The following PPIF variants were observed in gnomAD, a reference collection of about 807,000 sequenced individuals.
The protein encoded by PPIF is peptidylprolyl isomerase F, also known as peptidyl-prolyl cis-trans isomerase F, mitochondrial.
A neutral mutation model predicts 20.2 loss-of-function variants in PPIF; 23 were observed. The ratio of observed to expected loss-of-function variants is 1.14; its 90% CI spans 0.82 to 1.61. PPIF has a LOEUF of 1.61. Ranked by LOEUF, PPIF falls within the 40% of genes most tolerant of loss-of-function variation. PPIF has a pLI of 0.00. For synonymous variants in PPIF, 113 were observed against 123.1 expected (o/e 0.92, Z 0.54); for missense variants, 287 against 291.6 (o/e 0.98, Z 0.11).
chr10:79,347,630 C>A lies in PPIF; in HGVS notation c.82C>A (p.Arg28Ser). ...RSVPLRLPAA[R>S]ACSKGSGDPS... ...CGTGCCGCTGCGCCTCCCCGCGGCC[C>A]GCGCCTGCAGCAAGGGCTCCGGCGA... The change falls in exon 1 of 6, where the codon CGC (arginine) becomes AGC (serine). Residue 28 changes from arginine (R) to serine (S), a missense_variant. Coordinates refer to ENST00000225174, the MANE Select transcript of PPIF (RefSeq NM_005729.4). 1 of 1,450,804 alleles carries A rather than the reference C, an allele frequency of 6.9e-7. No individual in the cohort carries two copies. Among genetic ancestry groups the A allele is most frequent in the Admixed American group, 2.6e-5 (1 of 39,204 alleles). 89.9% of individuals were successfully genotyped at this position (1,450,804 alleles called of 1,614,324 possible).
At chr10:79,351,411 A>T in intron 3 of PPIF, 76 bp from the exon 4 acceptor site, 1 of 1,449,806 alleles carries the variant, frequency 6.9e-7, no homozygotes. Flanking sequence ...GGGTGGGCTG[A>T]GGCTGCTGCC....
At chr10:79,351,678 C>G in intron 4 of PPIF, 95 bp downstream of exon 4, 1 of 1,129,066 alleles carries the variant, frequency 8.9e-7, no homozygotes, top group Non-Finnish European at 1.3e-6. Context: ...CAGTCACCGT[C>G]CAGTATCTGA....
At position 79,347,531 on chromosome 10, in the gene PPIF, G is replaced by T. The variant is rs934891375; in HGVS notation, c.-18G>T. 6.2e-6 allele frequency: 8 copies of T among 1,296,688 alleles called. No homozygotes were observed. In the African/African-American group the frequency reaches 1.1e-4, roughly 18 times the overall value. The allele number at this position is 1,296,688 out of a possible 1,614,324, so 80.3% of individuals were successfully genotyped here. ...TCTGTGTTCTCCCCGCCCGTGTCCC[G>T]CCCGACCCGCGCCCGCGATGCTGGC... On this transcript the variant is annotated 5_prime_UTR_variant, in exon 1 of 6. Coordinates refer to ENST00000225174, the MANE Select transcript of PPIF (RefSeq NM_005729.4).
In PPIF at chr10:79,347,592, C is replaced by G; in HGVS notation, c.44C>G (p.Ser15Cys). The change falls in exon 1 of 6, where the codon TCC becomes TGC. Residue 15 changes from serine to cysteine, a missense_variant. Transcript: ENST00000225174. ...RCGSRWLGLL[S>C]VPRSVPLRLP... ...GGCTCCCGCTGGCTCGGCCTGCTCT[C>G]CGTCCCGCGCTCCGTGCCGCTGCGC... The G allele has an allele frequency of 7.1e-7, 1 of 1,414,756 alleles. No individual in the cohort carries two copies. The highest frequency in any genetic ancestry group is 9.3e-7 in the Non-Finnish European group (1 of 1,081,072). The allele number at this position is 1,414,756 out of a possible 1,614,324, so 87.6% of individuals were successfully genotyped here.
At chr10:79,351,624 C>G in intron 4 of PPIF, 41 bp downstream of exon 4, 1 of 1,581,454 alleles carries the variant, frequency 6.3e-7, no homozygotes. Context: ...CCCCACAGCT[C>G]TGACCTGGCC....
At chr10:79,349,778 G>T (rs773893673) in intron 3 of PPIF, 25 bp downstream of exon 3, 3 of 1,613,510 alleles carry the variant, frequency 1.9e-6, no homozygotes, top group Admixed American at 3.3e-5. Context: ...TCTTCTGTAA[G>T]GGGGGATGAG....
rs540113003 is a variant in PPIF, at chr10:79,347,523, C to G, written c.-26C>G. The G allele has an allele frequency of 1.5e-6, 2 of 1,292,934 alleles. No homozygotes were observed. Among genetic ancestry groups the G allele is most frequent in the South Asian group, 2.5e-5 (1 of 40,354 alleles). The allele number at this position is 1,292,934 out of a possible 1,614,324, so 80.1% of individuals were successfully genotyped here. A position where few individuals can be genotyped will look rare whatever the true frequency, so the allele number is the denominator to read the frequency against. ...GTTTGAGTTCTGTGTTCTCCCCGCCCGTGTCCCGCCCGACCCGCGCCCGCG... is the reference window on the plus strand; with the variant it reads ...GTTTGAGTTCTGTGTTCTCCCCGCCGGTGTCCCGCCCGACCCGCGCCCGCG... On this transcript the variant is annotated 5_prime_UTR_variant, in exon 1 of 6. Coordinates refer to ENST00000225174, the MANE Select transcript of PPIF (RefSeq NM_005729.4).
intron 3 of PPIF, among the ~76,000 whole-genome samples, chr10:79,350,363 G>C (rs1253632720): frequency 6.6e-6 from 1 of 152,190 alleles, no homozygotes; most frequent in Non-Finnish European, 1.5e-5. Context: ...GTTGGGGCTG[G>C]TCTTCTATTA....
chr10:79,349,519 G>A (rs1855950518), intron 2 of PPIF, 146 bp from the exon 3 acceptor site: 2 of 1,428,672 alleles, frequency 1.4e-6, no homozygotes, highest in Non-Finnish European at 1.9e-6. Context: ...TACATAGCGA[G>A]TTGGGCAGAG....
chr10:79,353,658 G>T, intron 5 of PPIF, 49 bp from the exon 6 acceptor site: 1 of 1,613,980 alleles, frequency 6.2e-7, no homozygotes, highest in Non-Finnish European at 8.5e-7. Flanking sequence ...CATGGCATTG[G>T]ATGACATTGC....
chr10:79,347,689 C>A lies in PPIF; in HGVS notation c.141C>A (p.Leu47=). 3 of 1,483,606 alleles carry A rather than the reference C, an allele frequency of 2.0e-6. No homozygotes were observed. Among genetic ancestry groups the A allele is most frequent in the Non-Finnish European group, 2.7e-6 (3 of 1,113,552 alleles). The allele number at this position is 1,483,606 out of a possible 1,614,324, so 91.9% of individuals were successfully genotyped here. The change falls in exon 1 of 6, where the codon CTC becomes CTA. Residue 47 remains leucine (L), a synonymous_variant. Coordinates refer to ENST00000225174, the MANE Select transcript of PPIF (RefSeq NM_005729.4). Reference sequence around the variant, plus strand: ...CTTCCTCCTCCTCCGGGAACCCGCTCGTGTACCTGGACGTGGACGCCAACG... The same window carrying A: ...CTTCCTCCTCCTCCGGGAACCCGCTAGTGTACCTGGACGTGGACGCCAACG... ...PSSSSSSGNP[L]VYLDVDANGK...
chr10:79,349,331 C>T (rs1249903539), intron 2 of PPIF, among the ~76,000 whole-genome samples: 1 of 152,258 alleles, frequency 6.6e-6, no homozygotes, highest in Non-Finnish European at 1.5e-5. Flanking sequence ...AGCCTCAGAG[C>T]CAGTGGAAGG....
Position 79,353,902 on chromosome 10 carries a change from C to T in PPIF, c.*60C>T, listed in dbSNP as rs1244138333. 5.7e-6 allele frequency: 9 copies of T among 1,567,684 alleles called. No individual in the cohort carries two copies. The highest frequency in any genetic ancestry group is 2.2e-5 in the East Asian group (1 of 44,472). ...AAATGTCCATGCACCCAGGTGGCCG[C>T]GTTGGGCTGTCAGCCAAGGTGCCTG... On this transcript the variant is annotated 3_prime_UTR_variant, in exon 6 of 6. Coordinates refer to ENST00000225174, the MANE Select transcript of PPIF (RefSeq NM_005729.4).
chr10:79,349,588 G>A, intron 2 of PPIF, 77 bp from the exon 3 acceptor site: 1 of 1,591,508 alleles, frequency 6.3e-7, no homozygotes, highest in South Asian at 1.1e-5. Context: ...GGATGTAGCA[G>A]GGATTTTGGC....
Position 79,347,727 on chromosome 10 carries a change from G to A in PPIF, c.179G>A (p.Gly60Asp), listed in dbSNP as rs1455734402. The change falls in exon 1 of 6, where the codon GGC (glycine) becomes GAC (aspartate). Residue 60 changes from glycine (G) to aspartate (D), a missense_variant. Gly to Asp is a moderately conservative substitution (Grantham distance 94). Coordinates refer to ENST00000225174, the MANE Select transcript of PPIF (RefSeq NM_005729.4). ...LDVDANGKPL[G>D]RVVLELKADV... ...GTGGACGCCAACGGGAAGCCGCTCG[G>A]CCGCGTGGTGCTGGAGGTGAGACCG... is the stretch of plus-strand genomic sequence containing the variant. The A allele has an allele frequency of 7.0e-7, 1 of 1,427,822 alleles. No homozygotes were observed. The highest frequency in any genetic ancestry group is 9.2e-7 in the Non-Finnish European group (1 of 1,084,182). The allele number at this position is 1,427,822 out of a possible 1,614,324, so 88.4% of individuals were successfully genotyped here. A position where few individuals can be genotyped will look rare whatever the true frequency, so the allele number is the denominator to read the frequency against.
intron 4 of PPIF, 183 bp downstream of exon 4, chr10:79,351,766 T>C (rs1855986231): frequency 1.8e-6 from 1 of 562,554 alleles, no homozygotes; most frequent in South Asian, 2.5e-5. Flanking sequence ...AGTTTTCTCA[T>C]CTCTCAGTTT....
intron 1 of PPIF, 147 bp downstream of exon 1, chr10:79,347,890 T>A: frequency 5.9e-6 from 7 of 1,191,800 alleles, no homozygotes; most frequent in Non-Finnish European, 7.3e-6. Context: ...TTTCTGAGAA[T>A]GGGCGTCAGA....
chr10:79,347,590 C>G lies in PPIF; in HGVS notation c.42C>G (p.Leu14=). Residue 14 remains leucine, a synonymous_variant, in exon 1 of 6, where the codon CTC becomes CTG. Transcript: ENST00000225174. Reference sequence around the variant, plus strand: ...GCGGCTCCCGCTGGCTCGGCCTGCTCTCCGTCCCGCGCTCCGTGCCGCTGC... The same window carrying G: ...GCGGCTCCCGCTGGCTCGGCCTGCTGTCCGTCCCGCGCTCCGTGCCGCTGC... ...LRCGSRWLGL[L]SVPRSVPLRL... The G allele has an allele frequency of 7.1e-7, 1 of 1,413,564 alleles. No individual in the cohort carries two copies. Among genetic ancestry groups the G allele is most frequent in the Non-Finnish European group, 9.3e-7 (1 of 1,080,622 alleles). 87.6% of individuals were successfully genotyped at this position (1,413,564 alleles called of 1,614,324 possible).
intron 4 of PPIF, 86 bp from the exon 5 acceptor site, chr10:79,352,231 G>A: frequency 5.0e-6 from 6 of 1,201,700 alleles, no homozygotes; most frequent in Non-Finnish European, 7.4e-6. Context: ...TGTCCCTGGT[G>A]TGGTTTGCAC....
Sources: allele counts gnomAD v4.1 joint callset (sites outside exome capture counted in the v4.1 genomes callset), GRCh38; gene constraint gnomAD v4.1.1; transcripts MANE v1.5; gene names NCBI Gene and HGNC (gene_info 2026-07-23, HGNC 2026-07-21).